KAT2B: variants seen among roughly 807,000 people sequenced by gnomAD.
KAT2B encodes lysine acetyltransferase 2B, also known as histone acetyltransferase KAT2B.
In KAT2B, 36 loss-of-function variants were observed where a neutral mutation model predicts 105.9. The ratio of observed to expected loss-of-function variants is 0.34; its 90% CI spans 0.26 to 0.45. The LOEUF (loss-of-function observed/expected upper bound fraction) is 0.45, where lower values mean the gene tolerates loss of function less well. Ranked by LOEUF, KAT2B falls within the 20% of genes least tolerant of loss-of-function variation. The pLI, the probability that KAT2B is intolerant of heterozygous loss-of-function variation, is 1.00. For synonymous variants in KAT2B, 397 were observed against 377.9 expected (o/e 1.05, Z -0.59); for missense variants, 820 against 1,021.6 (o/e 0.80, Z 2.69).
rs371943920 is a variant in KAT2B, at chr3:20,148,004, G to A, written c.2156+5G>A. On this transcript the variant is annotated splice_donor_5th_base_variant and intron_variant, in intron 15 of 17. Coordinates refer to ENST00000263754, the MANE Select transcript of KAT2B (RefSeq NM_003884.5). ...ACCGAGTGGAAAAGAGAAAAGGTAA[G>A]TATGACGGGCAAGAGGATGTTAATG... 7 of 1,613,052 alleles carry A rather than the reference G, an allele frequency of 4.3e-6. No individual in the cohort carries two copies. The African/African-American group carries it at 8.0e-5, about 18-fold the overall frequency.
chr3:20,057,650 A>G (rs899129402), intron 1 of KAT2B, among the ~76,000 whole-genome samples: 1 of 152,174 alleles, frequency 6.6e-6, no homozygotes, highest in South Asian at 2.1e-4. Context: ...ATTGTCTTGG[A>G]TTTAGCATTC....
Position 20,150,929 on chromosome 3 carries a change from T to G in KAT2B, c.2306-1403T>G, listed in dbSNP as rs965059486. ...CTTTTAAAACATTATACATATTATA[T>G]TGGGCAGCATATCTTAAGTGGTAGA... On this transcript the variant is annotated intron_variant, in intron 17 of 17. Transcript: ENST00000263754. 2.6e-5 allele frequency among the ~76,000 whole-genome samples: 4 copies of G among 152,316 alleles called. No individual in the cohort carries two copies. The East Asian group carries it at 7.7e-4, about 29-fold the overall frequency.
chr3:20,131,499 T>TG (rs1699510880), intron 11 of KAT2B, among the ~76,000 whole-genome samples: 1 of 152,182 alleles, frequency 6.6e-6, no homozygotes, highest in African/African-American at 2.4e-5. Context: ...TAAAACTGAA[T>TG]GGGTCCCAGT....
intron 1 of KAT2B, among the ~76,000 whole-genome samples, chr3:20,050,097 G>A (rs1334197277): frequency 1.3e-5 from 2 of 151,838 alleles, no homozygotes; most frequent in Non-Finnish European, 2.9e-5. Flanking sequence ...CTACTCAGAA[G>A]GCTGAGGTGG....
chr3:20,116,285 T>C lies in KAT2B; in HGVS notation c.1150+1297T>C, dbSNP rs12631479. Among the ~76,000 whole-genome samples the C allele has an allele frequency of 8.2e-3, 1,247 of 152,278 alleles. 73 individuals are homozygous for C. In the East Asian group the frequency reaches 0.16, roughly 20 times the overall value. Reference sequence around the variant, plus strand: ...GCTATTCACTTTACCTTGGATTTGATCTCACCTAACTTTCAAATGGCATTT... The same window carrying C: ...GCTATTCACTTTACCTTGGATTTGACCTCACCTAACTTTCAAATGGCATTT... On this transcript the variant is annotated intron_variant, in intron 7 of 17. Transcript: ENST00000263754.
At chr3:20,099,129 G>C (rs1182781925) in intron 3 of KAT2B, among the ~76,000 whole-genome samples, 1 of 152,202 alleles carries the variant, frequency 6.6e-6, no homozygotes, top group Non-Finnish European at 1.5e-5. Flanking sequence ...GTGGCTCTGT[G>C]TTCCCTTTTC....
chr3:20,127,369 G>A, intron 10 of KAT2B, 54 bp from the exon 11 acceptor site: 1 of 1,517,626 alleles, frequency 6.6e-7, no homozygotes, highest in Non-Finnish European at 9.1e-7. Context: ...ACCCCAAAAA[G>A]TATATTTATA....
intron 1 of KAT2B, among the ~76,000 whole-genome samples, chr3:20,048,199 A>G (rs763313076): frequency 1.3e-5 from 2 of 152,212 alleles, no homozygotes; most frequent in Non-Finnish European, 2.9e-5. Flanking sequence ...GGCAGGCACA[A>G]TACAAAAAGC....
intron 9 of KAT2B, 58 bp from the exon 10 acceptor site, chr3:20,125,847 T>TC: frequency 1.4e-6 from 2 of 1,383,714 alleles, no homozygotes; most frequent in South Asian, 2.3e-5. Flanking sequence ...ATGTGTCCCA[T>TC]CCCCACTGTC....
At chr3:20,042,519 C>T (rs537778307) in intron 1 of KAT2B, among the ~76,000 whole-genome samples, 24 of 152,186 alleles carry the variant, frequency 1.6e-4, no homozygotes, top group Non-Finnish European at 2.8e-4. Context: ...TGTAATCAAA[C>T]ACCACCTGTT....
At chr3:20,152,292 A>C (rs1039224901) in intron 17 of KAT2B, 40 bp from the exon 18 acceptor site, 1 of 1,479,782 alleles carries the variant, frequency 6.8e-7, no homozygotes, top group African/African-American at 1.4e-5. Flanking sequence ...TGGTGTTTAA[A>C]GGGAGTCAAA....
chr3:20,115,222 C>T (rs2125168658), intron 7 of KAT2B, among the ~76,000 whole-genome samples: 1 of 152,276 alleles, frequency 6.6e-6, no homozygotes, highest in East Asian at 1.9e-4. Flanking sequence ...ATCAAGTTAC[C>T]ACCAGGTATA....
rs551601283 is a variant in KAT2B at position 20,104,886 on chromosome 3, T to G, written c.851+3418T>G. 1.3e-4 allele frequency among the ~76,000 whole-genome samples: 12 copies of G among 89,916 alleles called. 1 individual carries two copies. In the South Asian group the frequency reaches 5.3e-3, roughly 40 times the overall value. 59.0% of individuals were successfully genotyped at this position (89,916 alleles called of 152,430 possible). ...TATAAGTATTCTTTTTTTGTTGTTTTTTTGTTTTTTTTTTTTTTGAGATGG... is the reference window on the plus strand; with the variant it reads ...TATAAGTATTCTTTTTTTGTTGTTTGTTTGTTTTTTTTTTTTTTGAGATGG... On this transcript the variant is annotated intron_variant, in intron 5 of 17. Coordinates refer to ENST00000263754, the MANE Select transcript of KAT2B (RefSeq NM_003884.5).
intron 2 of KAT2B, among the ~76,000 whole-genome samples, chr3:20,085,476 TAC>T (rs1405136243): frequency 6.6e-6 from 1 of 152,040 alleles, no homozygotes; most frequent in Non-Finnish European, 1.5e-5. Flanking sequence ...TTTTTGTGTT[TAC>T]ACACACACAT....
intron 11 of KAT2B, 73 bp from the exon 12 acceptor site, chr3:20,136,869 C>A: frequency 2.8e-6 from 2 of 723,810 alleles, no homozygotes; most frequent in Non-Finnish European, 4.8e-6. Flanking sequence ...AATTCACCAT[C>A]ATTTCCTGAT....
chr3:20,060,244 T>A (rs1199579307), intron 1 of KAT2B, among the ~76,000 whole-genome samples: 2 of 152,228 alleles, frequency 1.3e-5, no homozygotes, highest in Non-Finnish European at 2.9e-5. Context: ...GGGTAGATAC[T>A]TAGTGGATTT....
chr3:20,053,203 C>A (rs2125167239), intron 1 of KAT2B, among the ~76,000 whole-genome samples: 1 of 152,294 alleles, frequency 6.6e-6, no homozygotes, highest in African/African-American at 2.4e-5. Context: ...TCCTCTCCAA[C>A]CACTGTTTCC....
intron 1 of KAT2B, among the ~76,000 whole-genome samples, chr3:20,048,552 G>A (rs1206606960): frequency 6.6e-6 from 1 of 152,180 alleles, no homozygotes; most frequent in African/African-American, 2.4e-5. Flanking sequence ...TGACTATGGA[G>A]GGTGAAATAT....
At chr3:20,072,836 A>G (rs1698349470) in intron 2 of KAT2B, among the ~76,000 whole-genome samples, 1 of 152,184 alleles carries the variant, frequency 6.6e-6, no homozygotes, top group Non-Finnish European at 1.5e-5. Context: ...GTTTAATGAT[A>G]ATAATGATCA....
Sources: allele counts gnomAD v4.1 joint callset (sites outside exome capture counted in the v4.1 genomes callset), GRCh38; gene constraint gnomAD v4.1.1; transcripts MANE v1.5; gene names NCBI Gene and HGNC (gene_info 2026-07-23, HGNC 2026-07-21).